FAM131B: variants seen among roughly 807,000 people sequenced by gnomAD.
The protein encoded by FAM131B is family with sequence similarity 131 member B.
FAM131B carries 19 observed loss-of-function variants against 42.0 expected under a neutral mutation model. The ratio of observed to expected loss-of-function variants is 0.45; its 90% CI spans 0.32 to 0.66. FAM131B has a LOEUF of 0.66. Among genes scored for constraint, FAM131B ranks in the 30% least tolerant of loss-of-function variants. FAM131B has a pLI of 0.05. For synonymous variants in FAM131B, 183 were observed against 177.6 expected (o/e 1.03, Z -0.24); for missense variants, 370 against 468.4 (o/e 0.79, Z 1.94).
At position 143,358,577 on chromosome 7, in the gene FAM131B, G is replaced by A. The variant is rs1803796092; in HGVS notation, c.466+250C>T. On this transcript the variant is annotated intron_variant, in intron 5 of 6. Transcript: ENST00000443739. The surrounding 1 kb of genome is among the most constrained non-coding windows in gnomAD (Gnocchi z 4.7). ...CAGGTTTGGATAGTCCCGTGATGAG[G>A]AGAGAAGGCATCTGGGATGGGTGGA... is the stretch of plus-strand genomic sequence containing the variant. 6.6e-6 allele frequency among the ~76,000 whole-genome samples: 1 copy of A among 152,190 alleles called. No homozygotes were observed. Among genetic ancestry groups the A allele is most frequent in the Non-Finnish European group, 1.5e-5 (1 of 68,030 alleles).
chr7:143,371,437 C>A, the FAM131B span, among the ~76,000 whole-genome samples: 2 of 151,468 alleles, frequency 1.3e-5, no homozygotes, highest in Non-Finnish European at 2.9e-5. Context: ...CATATGGAGA[C>A]CTTGTCTTTA....
intron 5 of FAM131B, among the ~76,000 whole-genome samples, chr7:143,357,712 C>T (rs1195273802): frequency 6.6e-6 from 1 of 151,952 alleles, no homozygotes; most frequent in Non-Finnish European, 1.5e-5. Flanking sequence ...TATATGAAGC[C>T]TTTGAGATCC....
the FAM131B span, among the ~76,000 whole-genome samples, chr7:143,379,217 T>C: frequency 3.9e-5 from 6 of 152,350 alleles, no homozygotes; most frequent in African/African-American, 1.2e-4. Flanking sequence ...TATCTTTTTT[T>C]CCCCAAAGGG....
At chr7:143,382,072 GC>G in the FAM131B span, 2 of 625,948 alleles carry the variant, frequency 3.2e-6, no homozygotes, top group Non-Finnish European at 5.4e-6. Context: ...TCGGCAGTGC[GC>G]CCGGCCTTTC....
chr7:143,371,754 G>GGA, the FAM131B span, among the ~76,000 whole-genome samples: 1 of 152,184 alleles, frequency 6.6e-6, no homozygotes, highest in Non-Finnish European at 1.5e-5. Flanking sequence ...AGGCTATGAT[G>GGA]GAGATAATGG....
At chr7:143,368,868 G>A in the FAM131B span, among the ~76,000 whole-genome samples, 3 of 152,276 alleles carry the variant, frequency 2.0e-5, no homozygotes, top group East Asian at 5.8e-4. Context: ...CTAACTACCT[G>A]AAACCTTTTA....
chr7:143,363,242 T>C (rs1426566831), upstream of FAM131B, among the ~76,000 whole-genome samples: 1 of 152,170 alleles, frequency 6.6e-6, no homozygotes, highest in Non-Finnish European at 1.5e-5. Flanking sequence ...CGCTATTTTG[T>C]CCATCCAAAC....
At chr7:143,378,461 ATCT>A in the FAM131B span, among the ~76,000 whole-genome samples, 86,454 of 151,700 alleles carry the variant, frequency 0.57, 27,242 homozygotes, top group Non-Finnish European at 0.73. Context: ...AGTCAGGAAC[ATCT>A]TCTTATTTGC....
chr7:143,379,052 C>T, the FAM131B span, among the ~76,000 whole-genome samples: 1 of 152,248 alleles, frequency 6.6e-6, no homozygotes, highest in Non-Finnish European at 1.5e-5. Flanking sequence ...TAAAACTATG[C>T]CTGCCTACGC....
the FAM131B span, chr7:143,382,161 G>C: frequency 8.9e-7 from 1 of 1,128,492 alleles, no homozygotes; most frequent in East Asian, 2.4e-5. Flanking sequence ...GAGAGTTCTT[G>C]GGTTAGGGGT....
At chr7:143,380,566 T>C in the FAM131B span, 1 of 978,212 alleles carries the variant, frequency 1.0e-6, no homozygotes, top group East Asian at 1.1e-4. This position sits in a 1 kb window ranked among gnomAD's most constrained non-coding sequence, Gnocchi z 5.0. Context: ...CCCTCCCACC[T>C]CCATTCCCGG....
chr7:143,370,319 G>A, the FAM131B span, among the ~76,000 whole-genome samples: 3 of 152,042 alleles, frequency 2.0e-5, no homozygotes, highest in African/African-American at 7.2e-5. Context: ...ACCCAATCTG[G>A]CATCTTCACT....
the FAM131B span, chr7:143,381,384 A>T: frequency 8.5e-6 from 10 of 1,179,430 alleles, no homozygotes; most frequent in African/African-American, 1.6e-5. Context: ...GCCACCCGAG[A>T]CGCGGCGCGC....
chr7:143,371,213 G>C, the FAM131B span, among the ~76,000 whole-genome samples: 1 of 152,236 alleles, frequency 6.6e-6, no homozygotes, highest in African/African-American at 2.4e-5. Context: ...AGAAGTGGTG[G>C]GGCAGAAACA....
At chr7:143,364,741 A>T (rs1432301715), upstream of FAM131B, among the ~76,000 whole-genome samples, 1 of 152,192 alleles carries the variant, frequency 6.6e-6, no homozygotes, top group Admixed American at 6.5e-5. Flanking sequence ...CTTCTTATAC[A>T]AGGATTCTGC....
At chr7:143,362,799 G>C (rs940758916), upstream of FAM131B, 19 of 177,026 alleles carry the variant, frequency 1.1e-4, no homozygotes, top group Non-Finnish European at 1.9e-4. This position sits in a 1 kb window ranked among gnomAD's most constrained non-coding sequence, Gnocchi z 7.7. Flanking sequence ...CCGCCGCCTG[G>C]CTCCCCCGCC....
the FAM131B span, among the ~76,000 whole-genome samples, chr7:143,369,389 T>C: frequency 6.6e-6 from 1 of 152,132 alleles, no homozygotes; most frequent in Non-Finnish European, 1.5e-5. Flanking sequence ...TAAAAAAATG[T>C]TTTGGCCGGG....
chr7:143,361,909 T>A, intron 1 of FAM131B: 2 of 209,756 alleles, frequency 9.5e-6, no homozygotes, highest in Non-Finnish European at 1.6e-5. Flanking sequence ...GAAGCCCCCA[T>A]CTCCTCCCCG....
Position 143,353,581 on chromosome 7 carries a change from C to A in FAM131B, c.*2969G>T, listed in dbSNP as rs965866330. ...TATTTATATATATTGATATAGAATT[C>A]TCTCTATAATATATGTCATAGAATC... On this transcript the variant is annotated 3_prime_UTR_variant, in exon 7 of 7. Coordinates refer to ENST00000443739, the MANE Select transcript of FAM131B (RefSeq NM_001031690.3). The A allele has an allele frequency of 7.2e-5, 11 of 152,628 alleles. No individual in the cohort carries two copies. The highest frequency in any genetic ancestry group is 2.7e-4 in the African/African-American group (11 of 41,502). 9.5% of individuals were successfully genotyped at this position (152,628 alleles called of 1,614,324 possible).
Sources: allele counts gnomAD v4.1 joint callset (sites outside exome capture counted in the v4.1 genomes callset), GRCh38; gene constraint gnomAD v4.1.1; non-coding constraint Gnocchi (gnomAD v3.1); transcripts MANE v1.5; gene names NCBI Gene and HGNC (gene_info 2026-07-23, HGNC 2026-07-21).